Variants in GAS2 observed in about 807,000 individuals in gnomAD.
GAS2 encodes the protein growth arrest-specific protein 2.
Under a neutral mutation model 37.5 loss-of-function variants are expected in GAS2, and 20 were observed. The observed-to-expected ratio is 0.53, with a 90% CI of 0.37 to 0.77. GAS2 has a LOEUF of 0.77. Among genes scored for constraint, GAS2 ranks in the 30% least tolerant of loss-of-function variants. The probability of loss-of-function intolerance (pLI) is 0.00; values close to 1 mark genes in which losing one functional copy is unlikely to be tolerated. For missense variants in GAS2, 336 were observed against 373.4 expected (o/e 0.90, Z 0.82); for synonymous variants, 144 against 132.2 (o/e 1.09, Z -0.61).
chr11:22,754,719 T>C (rs1000931386), intron 6 of GAS2, among the ~76,000 whole-genome samples: 3 of 152,244 alleles, frequency 2.0e-5, no homozygotes, highest in African/African-American at 7.2e-5. Flanking sequence ...TCAATTGAGT[T>C]CATGTTTTAC....
chr11:22,789,667 G>A (rs1378421406), intron 7 of GAS2, among the ~76,000 whole-genome samples: 2 of 150,344 alleles, frequency 1.3e-5, no homozygotes, highest in East Asian at 2.0e-4. Flanking sequence ...GGGTTTCACC[G>A]CGTTAACCAG....
intron 3 of GAS2, among the ~76,000 whole-genome samples, chr11:22,704,345 A>C (rs1422956185): frequency 3.9e-5 from 6 of 151,902 alleles, no homozygotes; most frequent in Non-Finnish European, 5.9e-5. Flanking sequence ...ATCAACATTG[A>C]AACACAAATT....
chr11:22,653,035 C>CTTTCTTTCTTTCTTTCTTTCTTTCTT (rs562393334), intron 1 of GAS2, among the ~76,000 whole-genome samples: 3 of 7,700 alleles, frequency 3.9e-4, no homozygotes, highest in East Asian at 4.4e-3. Flanking sequence ...TTCTTTCTTT[C>CTTTCTTTCTTTCTTTCTTTCTTTCTT]TCTTTCTTTC....
At chr11:22,692,110 C>G (rs1850272360) in intron 3 of GAS2, among the ~76,000 whole-genome samples, 1 of 151,822 alleles carries the variant, frequency 6.6e-6, no homozygotes, top group African/African-American at 2.4e-5. Context: ...TTTTATTTTT[C>G]AAATAAAACT....
chr11:22,687,910 T>C (rs1223785914), intron 3 of GAS2, among the ~76,000 whole-genome samples: 2 of 152,258 alleles, frequency 1.3e-5, no homozygotes, highest in Non-Finnish European at 2.9e-5. Context: ...GAGAGCCGAA[T>C]GCCTCAGTGT....
At chr11:22,673,439 G>T (rs1360792107) in intron 1 of GAS2, among the ~76,000 whole-genome samples, 1 of 152,066 alleles carries the variant, frequency 6.6e-6, no homozygotes, top group African/African-American at 2.4e-5. Context: ...ATTACCTCTT[G>T]CCTATTGCAA....
intron 1 of GAS2, among the ~76,000 whole-genome samples, chr11:22,638,287 T>A (rs1858865145): frequency 6.6e-6 from 1 of 152,114 alleles, no homozygotes. Context: ...TATTAAGAAT[T>A]GAAAACTTAA....
intron 3 of GAS2, among the ~76,000 whole-genome samples, chr11:22,696,155 A>C (rs1283712375): frequency 1.5e-5 from 2 of 134,106 alleles, no homozygotes; most frequent in Non-Finnish European, 3.0e-5. Flanking sequence ...ATGTGTTCTC[A>C]TTGTTCAGTT....
chr11:22,737,930 T>C (rs1368823068), intron 5 of GAS2, among the ~76,000 whole-genome samples, 162 bp downstream of exon 5: 1 of 152,200 alleles, frequency 6.6e-6, no homozygotes, highest in Non-Finnish European at 1.5e-5. Flanking sequence ...GTTAACCAAA[T>C]TAAAAGTGTG....
intron 3 of GAS2, among the ~76,000 whole-genome samples, chr11:22,722,295 G>A (rs905127105): frequency 1.3e-5 from 2 of 151,920 alleles, no homozygotes; most frequent in African/African-American, 4.8e-5. Context: ...CAATGTATAA[G>A]TATTTTAGAA....
At chr11:22,651,287 C>T (rs553343182) in intron 1 of GAS2, among the ~76,000 whole-genome samples, 51 of 152,292 alleles carry the variant, frequency 3.3e-4, no homozygotes, top group Admixed American at 1.1e-3. Flanking sequence ...CTGAGAGATC[C>T]GCTGTTAGTC....
intron 1 of GAS2, among the ~76,000 whole-genome samples, chr11:22,674,347 C>T (rs551414390): frequency 3.0e-4 from 45 of 151,862 alleles, no homozygotes; most frequent in Non-Finnish European, 5.0e-4. Context: ...ATTGCTTGGC[C>T]GTCTCCAAAA....
intron 1 of GAS2, among the ~76,000 whole-genome samples, chr11:22,632,608 A>G (rs1379440170): frequency 6.6e-6 from 1 of 152,178 alleles, no homozygotes; most frequent in Non-Finnish European, 1.5e-5. Flanking sequence ...TGGCAAAGCC[A>G]GGGAAGTTTT....
chr11:22,812,926 C>A lies in GAS2; in HGVS notation c.*910C>A, dbSNP rs1857254377. On this transcript the variant is annotated 3_prime_UTR_variant, in exon 8 of 8. Transcript: ENST00000454584. Reference sequence around the variant, plus strand: ...ATACCCTTGTATACCTGGGACAGGGCTGTTTTATACCAATAAACAGCAAAA... The same window carrying A: ...ATACCCTTGTATACCTGGGACAGGGATGTTTTATACCAATAAACAGCAAAA... The A allele has an allele frequency of 6.6e-6, 1 of 152,532 alleles. No homozygotes were observed. The highest frequency in any genetic ancestry group is 2.4e-5 in the African/African-American group (1 of 41,424). The allele number at this position is 152,532 out of a possible 1,614,324, so 9.4% of individuals were successfully genotyped here. A position where few individuals can be genotyped will look rare whatever the true frequency, so the allele number is the denominator to read the frequency against.
Position 22,782,812 on chromosome 11 carries a change from A to G in GAS2, c.723+26859A>G, listed in dbSNP as rs114060074. 5.5e-3 allele frequency among the ~76,000 whole-genome samples: 714 copies of G among 129,570 alleles called. 8 individuals carry two copies. Among genetic ancestry groups the G allele is most frequent in the African/African-American group, 0.02 (674 of 33,736 alleles). 85.0% of individuals were successfully genotyped at this position (129,570 alleles called of 152,430 possible). On this transcript the variant is annotated intron_variant, in intron 7 of 7. Transcript: ENST00000454584. ...CCGTATAGTGTCTACGTACCATGGT[A>G]TATATGTACCATATTTTCTTTATCC...
chr11:22,645,727 A>C (rs1479896376), intron 1 of GAS2, among the ~76,000 whole-genome samples: 3 of 152,002 alleles, frequency 2.0e-5, no homozygotes. Context: ...TGTTAGTCAA[A>C]ATTGTAAATT....
intron 5 of GAS2, 47 bp downstream of exon 5, chr11:22,737,815 A>G (rs770331465): frequency 1.9e-6 from 3 of 1,545,900 alleles, no homozygotes; most frequent in African/African-American, 2.7e-5. Context: ...CGATTTCAGC[A>G]TCCAAGCAAC....
chr11:22,698,842 G>T (rs2134011567), intron 3 of GAS2, among the ~76,000 whole-genome samples: 1 of 152,274 alleles, frequency 6.6e-6, no homozygotes, highest in African/African-American at 2.4e-5. Context: ...ATTCATTCAT[G>T]CAGTTAATTA....
chr11:22,666,009 C>T (rs1025818583), upstream of GAS2, among the ~76,000 whole-genome samples: 1 of 152,188 alleles, frequency 6.6e-6, no homozygotes. Context: ...GAGGTGGTAA[C>T]CTGTGGGGAT....
Sources: gnomAD v4.1 joint callset for allele counts (sites outside exome capture counted in the v4.1 genomes callset) on GRCh38, gnomAD v4.1.1 for gene constraint, MANE v1.5 for transcripts, NCBI Gene and HGNC (gene_info 2026-07-23, HGNC 2026-07-21) for gene names.